The following ERICH6B variants were observed in gnomAD, a reference collection of about 807,000 sequenced individuals.
The protein encoded by ERICH6B is glutamate rich 6B.
ERICH6B carries 69 observed loss-of-function variants against 80.0 expected under a neutral mutation model. The observed-to-expected ratio is 0.86, with a 90% CI of 0.71 to 1.05. ERICH6B has a LOEUF of 1.05. ERICH6B is among the 50% of genes least tolerant of loss of function. The probability of loss-of-function intolerance (pLI) is 0.00; values close to 1 mark genes in which losing one functional copy is unlikely to be tolerated. For missense variants in ERICH6B, 754 were observed against 796.1 expected (o/e 0.95, Z 0.64); for synonymous variants, 283 against 291.9 (o/e 0.97, Z 0.31).
chr13:45,580,032 C>A (rs1593317410), intron 6 of ERICH6B, 58 bp from the exon 7 acceptor site: 9 of 1,297,382 alleles, frequency 6.9e-6, no homozygotes, highest in Non-Finnish European at 8.7e-6. Flanking sequence ...TAGTCCAGAC[C>A]TTTTAATCCC....
Position 45,541,416 on chromosome 13 carries a change from T to A in ERICH6B, c.*46A>T. 6.6e-7 allele frequency: 1 copy of A among 1,504,016 alleles called. No individual in the cohort carries two copies. The highest frequency in any genetic ancestry group is 9.0e-7 in the Non-Finnish European group (1 of 1,107,424). The allele number at this position is 1,504,016 out of a possible 1,614,324, so 93.2% of individuals were successfully genotyped here. ...TTTTTTTTCCCTGGAGCTCCCAAGG[T>A]CTCCAACTTCCTAAGGCATTTGGTG... is the stretch of plus-strand genomic sequence containing the variant. On this transcript the variant is annotated 3_prime_UTR_variant, in exon 15 of 15. Coordinates refer to ENST00000298738, the MANE Select transcript of ERICH6B (RefSeq NM_182542.3).
chr13:45,583,785 C>CA (rs1875776556), intron 5 of ERICH6B, among the ~76,000 whole-genome samples: 1 of 152,180 alleles, frequency 6.6e-6, no homozygotes, highest in Non-Finnish European at 1.5e-5. Context: ...ATGTGCCTTT[C>CA]CCTTCTGCCA....
At chr13:45,565,303 C>T (rs1011455823) in intron 9 of ERICH6B, among the ~76,000 whole-genome samples, 3 of 152,130 alleles carry the variant, frequency 2.0e-5, no homozygotes, top group Non-Finnish European at 4.4e-5. Context: ...TTAGGTAGGG[C>T]ACCTTGTTTC....
intron 9 of ERICH6B, among the ~76,000 whole-genome samples, chr13:45,568,034 C>A (rs1241568007): frequency 1.3e-5 from 2 of 152,204 alleles, no homozygotes; most frequent in Non-Finnish European, 2.9e-5. Context: ...GAATTTCCAG[C>A]CTCTGTCACC....
At chr13:45,579,458 A>G (rs1419844341) in intron 7 of ERICH6B, among the ~76,000 whole-genome samples, 2 of 152,116 alleles carry the variant, frequency 1.3e-5, no homozygotes, top group Non-Finnish European at 2.9e-5. Flanking sequence ...CTGCTGCTGT[A>G]AGGATTCTCC....
rs142895002 is a variant in ERICH6B at position 45,585,259 on chromosome 13, T to C, written c.856+1804A>G. On this transcript the variant is annotated intron_variant, in intron 5 of 14. Transcript: ENST00000298738. ...CTTCCCTGACCCTAGAAGGCTGCCA[T>C]TGGGGATGGAATATTCCTTTCCATG... 7.4e-4 allele frequency among the ~76,000 whole-genome samples: 113 copies of C among 152,282 alleles called. No individual in the cohort carries two copies. The South Asian group carries it at 0.022, about 30-fold the overall frequency.
intron 11 of ERICH6B, among the ~76,000 whole-genome samples, chr13:45,552,300 T>C (rs949484461): frequency 6.6e-6 from 1 of 152,184 alleles, no homozygotes; most frequent in African/African-American, 2.4e-5. Context: ...TGTCCTCTAA[T>C]TGTCCCCTGT....
intron 11 of ERICH6B, among the ~76,000 whole-genome samples, chr13:45,556,836 T>C (rs934295262): frequency 1.3e-5 from 2 of 152,170 alleles, no homozygotes; most frequent in African/African-American, 4.8e-5. Context: ...CGCTCATTTG[T>C]TGAAGGGCAT....
chr13:45,564,917 C>T (rs1407728197), intron 9 of ERICH6B, among the ~76,000 whole-genome samples: 1 of 152,184 alleles, frequency 6.6e-6, no homozygotes. Context: ...CCCACCTTTG[C>T]AAGCGAGTGG....
chr13:45,574,150 G>T (rs978027442), intron 8 of ERICH6B, among the ~76,000 whole-genome samples: 2 of 152,096 alleles, frequency 1.3e-5, no homozygotes, highest in Non-Finnish European at 2.9e-5. Context: ...AGAGACACAA[G>T]ATTTCATTTT....
At chr13:45,588,122 G>C (rs1875997030) in intron 4 of ERICH6B, among the ~76,000 whole-genome samples, 1 of 152,202 alleles carries the variant, frequency 6.6e-6, no homozygotes, top group South Asian at 2.1e-4. Context: ...ATCTGCACCA[G>C]GGAACTCAGT....
chr13:45,610,701 G>C (rs1048871712), intron 1 of ERICH6B, among the ~76,000 whole-genome samples: 1 of 152,156 alleles, frequency 6.6e-6, no homozygotes, highest in Non-Finnish European at 1.5e-5. Flanking sequence ...GTAGGCAATT[G>C]TAACAATGGT....
At chr13:45,593,783 G>A (rs912806655) in intron 3 of ERICH6B, among the ~76,000 whole-genome samples, 1 of 152,330 alleles carries the variant, frequency 6.6e-6, no homozygotes. Flanking sequence ...GTTGCTCACA[G>A]CACTCTTTGC....
In ERICH6B at chr13:45,590,714, T is replaced by C; in HGVS notation, c.638-17A>G. On this transcript the variant is annotated splice_polypyrimidine_tract_variant and intron_variant, in intron 3 of 14. Transcript: ENST00000298738. The stretch of plus-strand genomic sequence containing the variant: ...CCTTGGGTTCTATTGGAAAAAAGAA[T>C]AAAAAAGCAATATTGGCAAAAAAGC... 1 of 1,549,014 alleles carries C rather than the reference T, an allele frequency of 6.5e-7. No individual in the cohort carries two copies. Among genetic ancestry groups the C allele is most frequent in the Non-Finnish European group, 8.7e-7 (1 of 1,145,826 alleles).
chr13:45,599,070 C>T (rs550874673), intron 2 of ERICH6B, among the ~76,000 whole-genome samples: 10 of 152,230 alleles, frequency 6.6e-5, no homozygotes, highest in Non-Finnish European at 1.5e-4. Flanking sequence ...CGTTTTGTAT[C>T]TCAACAGTTG....
Position 45,594,639 on chromosome 13 carries a change from G to A in ERICH6B, c.637+1730C>T, listed in dbSNP as rs145085616. Among the ~76,000 whole-genome samples the A allele has an allele frequency of 2.2e-3, 335 of 152,320 alleles. 2 individuals are homozygous for A. Among genetic ancestry groups the A allele is most frequent in the African/African-American group, 7.8e-3 (324 of 41,566 alleles). On this transcript the variant is annotated intron_variant, in intron 3 of 14. Coordinates refer to ENST00000298738, the MANE Select transcript of ERICH6B (RefSeq NM_182542.3). ...TTTCCAGGAAGGGAGTAGGAATCAA[G>A]GATGGTACATCTGATTTGATGGAGA...
Position 45,549,834 on chromosome 13 carries a change from G to A in ERICH6B, c.1646+59C>T, listed in dbSNP as rs1429757208. The A allele has an allele frequency of 3.5e-5, 53 of 1,509,936 alleles. No homozygotes were observed. In the Middle Eastern group the frequency reaches 5.1e-4, roughly 15 times the overall value. The allele number at this position is 1,509,936 out of a possible 1,614,324, so 93.5% of individuals were successfully genotyped here. ...GAAGTTCATACAGTCTGGGAGTCAC[G>A]CTTTTTCCAGCTGCTTCTCCATGGG... On this transcript the variant is annotated intron_variant, in intron 13 of 14. Transcript: ENST00000298738.
intron 13 of ERICH6B, among the ~76,000 whole-genome samples, chr13:45,547,020 A>G (rs1243205118): frequency 6.6e-6 from 1 of 152,182 alleles, no homozygotes; most frequent in Non-Finnish European, 1.5e-5. Context: ...AAAATAACAA[A>G]TGAACAAACA....
intron 9 of ERICH6B, among the ~76,000 whole-genome samples, chr13:45,565,694 C>G (rs1016600597): frequency 2.0e-5 from 3 of 152,228 alleles, no homozygotes; most frequent in African/African-American, 7.2e-5. Flanking sequence ...CACCATGATT[C>G]TGAGGCCTCC....
Sources: gnomAD v4.1 joint callset for allele counts (sites outside exome capture counted in the v4.1 genomes callset) on GRCh38, gnomAD v4.1.1 for gene constraint, MANE v1.5 for transcripts, NCBI Gene and HGNC (gene_info 2026-07-23, HGNC 2026-07-21) for gene names.